The following DNAH7 variants were observed in gnomAD, a reference collection of about 807,000 sequenced individuals.
The protein encoded by DNAH7 is axonemal beta dynein heavy chain 7.
DNAH7 carries 397 observed loss-of-function variants against 444.6 expected under a neutral mutation model. The observed-to-expected ratio is 0.89, with a 90% CI of 0.82 to 0.97. DNAH7 has a LOEUF of 0.97. DNAH7 is among the 50% of genes least tolerant of loss of function. DNAH7 has a pLI of 0.00. For missense variants in DNAH7, 4,902 were observed against 4,800.8 expected (o/e 1.02, Z -0.62); for synonymous variants, 1,636 against 1,624.4 (o/e 1.01, Z -0.17).
At chr2:196,011,712 C>T (rs577357951) in intron 10 of DNAH7, among the ~76,000 whole-genome samples, 8 of 152,276 alleles carry the variant, frequency 5.3e-5, no homozygotes, top group Non-Finnish European at 1.2e-4. Flanking sequence ...CCCTGAGAAT[C>T]AATCAGGAAG....
chr2:195,999,880 T>TA (rs1362848352), intron 12 of DNAH7, among the ~76,000 whole-genome samples: 4 of 152,154 alleles, frequency 2.6e-5, no homozygotes, highest in Admixed American at 6.5e-5. Context: ...ATAAATTGTT[T>TA]AGTAATAAAC....
rs1391110441 is a variant in DNAH7 at position 195,740,607 on chromosome 2, GTGTGTGTGTATATA to G, written c.11868+145_11868+158del. 0.013 allele frequency among the ~76,000 whole-genome samples: 703 copies of G among 55,028 alleles called. 17 individuals are homozygous for G. The East Asian group carries it at 0.13, about 10-fold the overall frequency. 36.1% of individuals were successfully genotyped at this position (55,028 alleles called of 152,430 possible). ...TATATGTGTGTGTGTGTGTGTGTGT[GTGTGTGTGTATATA>G]TATATATATATATATATATATATAC... is the stretch of plus-strand genomic sequence containing the variant. On this transcript the variant is annotated intron_variant, in intron 64 of 64. Transcript: ENST00000312428.
intron 17 of DNAH7, among the ~76,000 whole-genome samples, chr2:195,965,214 A>T (rs1691393051): frequency 6.6e-6 from 1 of 152,192 alleles, no homozygotes; most frequent in Non-Finnish European, 1.5e-5. Flanking sequence ...TTTCAGCACC[A>T]ATTGAAATGA....
At chr2:195,874,912 A>G (rs1700958506) in intron 38 of DNAH7, among the ~76,000 whole-genome samples, 1 of 152,206 alleles carries the variant, frequency 6.6e-6, no homozygotes, top group South Asian at 2.1e-4. Flanking sequence ...CAGGTCAGAT[A>G]AAGGTCAGGG....
chr2:195,962,689 T>A (rs1691192192), intron 17 of DNAH7, among the ~76,000 whole-genome samples: 1 of 152,204 alleles, frequency 6.6e-6, no homozygotes, highest in Non-Finnish European at 1.5e-5. Flanking sequence ...TAAATTATTG[T>A]TGACAAATAC....
intron 15 of DNAH7, among the ~76,000 whole-genome samples, chr2:195,983,424 A>G (rs1692703283): frequency 6.6e-6 from 1 of 152,166 alleles, no homozygotes; most frequent in Admixed American, 6.5e-5. Flanking sequence ...GCTTTTACTC[A>G]TGGCAGAAGG....
chr2:195,922,290 C>T, intron 23 of DNAH7, 93 bp from the exon 24 acceptor site: 1 of 710,960 alleles, frequency 1.4e-6, no homozygotes, highest in Non-Finnish European at 2.4e-6. Flanking sequence ...ATAATATAGA[C>T]ATCTTTAAAG....
intron 48 of DNAH7, among the ~76,000 whole-genome samples, chr2:195,827,252 C>G (rs1246829933): frequency 6.6e-6 from 1 of 152,048 alleles, no homozygotes; most frequent in African/African-American, 2.4e-5. Context: ...AAATATTTCC[C>G]CCAGTTTTCA....
At chr2:196,058,151 C>G in intron 1 of DNAH7, 35 bp from the exon 2 acceptor site, 1 of 1,532,084 alleles carries the variant, frequency 6.5e-7, no homozygotes, top group Non-Finnish European at 8.8e-7. Context: ...AAACTGTTTA[C>G]TCCGTTAATG....
chr2:195,836,108 C>T (rs1376977211), intron 47 of DNAH7, among the ~76,000 whole-genome samples: 1 of 152,114 alleles, frequency 6.6e-6, no homozygotes, highest in Non-Finnish European at 1.5e-5. Context: ...CCTATATGGC[C>T]TCTGCTCCAT....
intron 47 of DNAH7, among the ~76,000 whole-genome samples, chr2:195,841,441 T>G (rs1698678614): frequency 6.6e-6 from 1 of 151,980 alleles, no homozygotes; most frequent in South Asian, 2.1e-4. Context: ...ATATTCAATT[T>G]TAAAGATTTG....
chr2:195,771,517 G>A (rs1157171806), intron 61 of DNAH7, 143 bp downstream of exon 61: 1 of 656,564 alleles, frequency 1.5e-6, no homozygotes, highest in East Asian at 2.7e-5. Context: ...AGCTCCTCAA[G>A]GGCAAGAATT....
chr2:195,754,606 G>T, intron 62 of DNAH7, 92 bp from the exon 63 acceptor site: 1 of 1,297,466 alleles, frequency 7.7e-7, no homozygotes, highest in Non-Finnish European at 1.1e-6. Context: ...CCCAGGCAGG[G>T]CTCAGGTGAT....
chr2:195,813,423 G>A (rs562747336), intron 51 of DNAH7, among the ~76,000 whole-genome samples: 46 of 152,126 alleles, frequency 3.0e-4, no homozygotes, highest in Non-Finnish European at 5.9e-4. Context: ...CAAAGACCCA[G>A]AAGCCATTTC....
At chr2:196,041,269 A>C (rs1696741957) in intron 5 of DNAH7, among the ~76,000 whole-genome samples, 1 of 152,054 alleles carries the variant, frequency 6.6e-6, no homozygotes, top group African/African-American at 2.4e-5. Flanking sequence ...ACAACAACAA[A>C]AAGACCAAAA....
intron 7 of DNAH7, among the ~76,000 whole-genome samples, chr2:196,025,305 T>C (rs1471331328): frequency 6.6e-6 from 1 of 152,226 alleles, no homozygotes; most frequent in Non-Finnish European, 1.5e-5. Context: ...TTCTATGGTC[T>C]TTAATTCACA....
chr2:195,803,695 G>A (rs1007337871), intron 54 of DNAH7, among the ~76,000 whole-genome samples: 1 of 152,218 alleles, frequency 6.6e-6, no homozygotes, highest in African/African-American at 2.4e-5. Flanking sequence ...TTTATTGCAA[G>A]TTCCTACTGG....
At chr2:195,977,153 G>A (rs1229468350) in intron 15 of DNAH7, among the ~76,000 whole-genome samples, 4 of 152,188 alleles carry the variant, frequency 2.6e-5, no homozygotes, top group South Asian at 4.1e-4. Flanking sequence ...CCTAAATAAG[G>A]CACCAAAGAG....
At position 195,816,908 on chromosome 2, in the gene DNAH7, T is replaced by C; in HGVS notation, c.9481A>G (p.Asn3161Asp). ...ATAGCAGTTTCATCTTCTAATATATTGCCTTCCGAAGATGAAAGAACTTCT... is the reference window on the plus strand; with the variant it reads ...ATAGCAGTTTCATCTTCTAATATATCGCCTTCCGAAGATGAAAGAACTTCT... ...ILEVLSSSEG[N>D]ILEDETAIKI... Residue 3161 changes from asparagine (N) to aspartate (D), a missense_variant, in exon 51 of 65, where the codon AAT (asparagine) becomes GAT (aspartate). Transcript: ENST00000312428. 1 of 1,612,144 alleles carries C rather than the reference T, an allele frequency of 6.2e-7. No homozygotes were observed. Among genetic ancestry groups the C allele is most frequent in the Non-Finnish European group, 8.5e-7 (1 of 1,179,106 alleles).
Sources: allele counts gnomAD v4.1 joint callset (sites outside exome capture counted in the v4.1 genomes callset), GRCh38; gene constraint gnomAD v4.1.1; transcripts MANE v1.5; gene names NCBI Gene and HGNC (gene_info 2026-07-23, HGNC 2026-07-21).